CELF2: variants seen among roughly 807,000 people sequenced by gnomAD.
CELF2 encodes CUG triplet repeat RNA-binding protein 2.
A neutral mutation model predicts 62.6 loss-of-function variants in CELF2; 8 were observed. The ratio of observed to expected loss-of-function variants is 0.13; its 90% CI spans 0.07 to 0.23. CELF2 has a LOEUF of 0.23. Ranked by LOEUF, CELF2 falls within the 10% of genes least tolerant of loss-of-function variation. The pLI is 1.00. For missense variants in CELF2, 333 were observed against 671.0 expected (o/e 0.50, Z 5.56); for synonymous variants, 258 against 250.0 (o/e 1.03, Z -0.30).
chr10:11,015,185 C>T (rs557984626), upstream of CELF2, among the ~76,000 whole-genome samples: 32 of 152,150 alleles, frequency 2.1e-4, no homozygotes, highest in South Asian at 5.0e-3. The surrounding 1 kb of genome is among the most constrained non-coding windows in gnomAD (Gnocchi z 4.8). Context: ...AAAAAAGGGG[C>T]CCTGTTGAGT....
chr10:10,557,113 C>T, the CELF2 span, among the ~76,000 whole-genome samples: 67 of 142,890 alleles, frequency 4.7e-4, no homozygotes, highest in Non-Finnish European at 7.1e-4. Flanking sequence ...TTGCCCATGC[C>T]TATGTCCTGA....
At chr10:10,927,458 C>A (rs1383095852) in intron 2 of CELF2, among the ~76,000 whole-genome samples, 1 of 151,134 alleles carries the variant, frequency 6.6e-6, no homozygotes, top group Non-Finnish European at 1.5e-5. Context: ...AAATGGGTCT[C>A]ACTCTGTTGC....
chr10:10,791,016 G>GT, the CELF2 span, among the ~76,000 whole-genome samples: 1 of 152,136 alleles, frequency 6.6e-6, no homozygotes, highest in Non-Finnish European at 1.5e-5. Context: ...ATACCTCAGA[G>GT]ATTGTTATGA....
chr10:11,009,808 G>A (rs1217617110), intron 1 of CELF2, among the ~76,000 whole-genome samples: 1 of 152,222 alleles, frequency 6.6e-6, no homozygotes, highest in African/African-American at 2.4e-5. Flanking sequence ...CACAAACTTT[G>A]TTGTCATGGA....
the CELF2 span, among the ~76,000 whole-genome samples, chr10:10,555,411 A>G: frequency 1.3e-5 from 2 of 152,070 alleles, no homozygotes; most frequent in Non-Finnish European, 2.9e-5. Flanking sequence ...CCGTGTCTGT[A>G]TAATCTACAC....
At chr10:11,021,988 T>G (rs1295354376) in intron 1 of CELF2, among the ~76,000 whole-genome samples, 1 of 152,214 alleles carries the variant, frequency 6.6e-6, no homozygotes, top group Non-Finnish European at 1.5e-5. Flanking sequence ...TAAAAATCTT[T>G]TTGGTTTACA....
At chr10:10,559,336 A>G in the CELF2 span, among the ~76,000 whole-genome samples, 1 of 152,248 alleles carries the variant, frequency 6.6e-6, no homozygotes, top group Non-Finnish European at 1.5e-5. Context: ...TCTCATACTC[A>G]TTAGCCATGT....
chr10:10,554,031 A>G, the CELF2 span, among the ~76,000 whole-genome samples: 1 of 152,170 alleles, frequency 6.6e-6, no homozygotes, highest in African/African-American at 2.4e-5. Context: ...AGTGGCAGGA[A>G]TAGAAGCAGA....
In CELF2 at chr10:11,262,940, C is replaced by CTTTTTTTTTTTTT. The variant is rs553831640; in HGVS notation, c.539-3643_539-3631dup. ...GTTCATGCTTTTAAAAGTGGCTTTA[C>CTTTTTTTTTTTTT]TTTTTTTTTTTTTTTTTTTTTTTTT... On this transcript the variant is annotated intron_variant, in intron 5 of 12. Coordinates refer to ENST00000633077, the MANE Select transcript of CELF2 (RefSeq NM_001326342.2). Among the ~76,000 whole-genome samples the CTTTTTTTTTTTTT allele has an allele frequency of 8.1e-3, 429 of 52,746 alleles. 136 individuals carry two copies. The highest frequency in any genetic ancestry group is 0.059 in the Middle Eastern group (2 of 34). 34.6% of individuals were successfully genotyped at this position (52,746 alleles called of 152,430 possible).
chr10:11,279,543 C>T (rs569882505), intron 8 of CELF2, among the ~76,000 whole-genome samples: 1 of 152,298 alleles, frequency 6.6e-6, no homozygotes, highest in East Asian at 1.9e-4. Context: ...CAGCAGTCCA[C>T]ACTGCAGGCC....
At chr10:10,906,331 T>C (rs2063336674) in intron 1 of CELF2, among the ~76,000 whole-genome samples, 1 of 152,208 alleles carries the variant, frequency 6.6e-6, no homozygotes, top group Admixed American at 6.5e-5. Context: ...AAAAAAGCCA[T>C]CTTTGCTGAT....
the CELF2 span, among the ~76,000 whole-genome samples, chr10:10,605,592 CAT>C: frequency 6.6e-6 from 1 of 152,220 alleles, no homozygotes; most frequent in Non-Finnish European, 1.5e-5. Flanking sequence ...TGGTTTACCA[CAT>C]AGTCAAACGT....
At chr10:11,213,767 G>A (rs2135794138) in intron 2 of CELF2, among the ~76,000 whole-genome samples, 1 of 152,292 alleles carries the variant, frequency 6.6e-6, no homozygotes, top group South Asian at 2.1e-4. Flanking sequence ...GTTTCAATTT[G>A]GAGGTCTGTA....
chr10:10,853,540 T>C (rs1285098627), intron 1 of CELF2, among the ~76,000 whole-genome samples: 29 of 152,028 alleles, frequency 1.9e-4, no homozygotes, highest in Admixed American at 1.9e-3. Flanking sequence ...AATGGTCTCC[T>C]GGTAGGAACA....
the CELF2 span, among the ~76,000 whole-genome samples, chr10:10,523,775 G>C: frequency 1.3e-5 from 2 of 152,294 alleles, no homozygotes; most frequent in East Asian, 3.9e-4. Context: ...CAAGTGCAAT[G>C]TCAGTGGTTG....
intron 1 of CELF2, among the ~76,000 whole-genome samples, chr10:10,827,496 C>T (rs979561538): frequency 3.0e-4 from 46 of 152,306 alleles, no homozygotes; most frequent in Middle Eastern, 3.4e-3. Context: ...AAAGACATAG[C>T]GAAACAGGAT....
chr10:11,019,535 G>C (rs1375294114), intron 1 of CELF2, among the ~76,000 whole-genome samples: 1 of 152,046 alleles, frequency 6.6e-6, no homozygotes, highest in African/African-American at 2.4e-5. Context: ...TATGAGTTAA[G>C]AGATTCTTGA....
Position 11,231,535 on chromosome 10 carries a change from G to A in CELF2, c.354+14028G>A, listed in dbSNP as rs148615915. 2.8e-4 allele frequency among the ~76,000 whole-genome samples: 43 copies of A among 152,164 alleles called. No homozygotes were observed. In the East Asian group the frequency reaches 3.1e-3, roughly 11 times the overall value. Reference sequence around the variant, plus strand: ...CAGCCCTGAGCAGAGAAGGGGATCCGGAAGGAGTATGTGGGCTGGAAGATA... The same window carrying A: ...CAGCCCTGAGCAGAGAAGGGGATCCAGAAGGAGTATGTGGGCTGGAAGATA... On this transcript the variant is annotated intron_variant, in intron 3 of 12. Transcript: ENST00000633077.
At chr10:10,597,468 T>A in the CELF2 span, among the ~76,000 whole-genome samples, 1 of 152,046 alleles carries the variant, frequency 6.6e-6, no homozygotes, top group Non-Finnish European at 1.5e-5. Flanking sequence ...GTTTCTTGAA[T>A]AACAATGACA....
Sources: allele counts gnomAD v4.1 joint callset (sites outside exome capture counted in the v4.1 genomes callset), GRCh38; gene constraint gnomAD v4.1.1; non-coding constraint Gnocchi (gnomAD v3.1); transcripts MANE v1.5; gene names NCBI Gene and HGNC (gene_info 2026-07-23, HGNC 2026-07-21).